Variants in SGCD observed in about 807,000 individuals in gnomAD.
SGCD encodes the protein sarcoglycan delta, also known as delta-sarcoglycan.
A neutral mutation model predicts 36.6 loss-of-function variants in SGCD; 18 were observed. The ratio of observed to expected loss-of-function variants is 0.49; its 90% confidence interval spans 0.34 to 0.73. The LOEUF (loss-of-function observed/expected upper bound fraction) is 0.73, where lower values mean the gene tolerates loss of function less well. SGCD is among the 30% of genes least tolerant of loss of function. The pLI is 0.01. For missense variants in SGCD, 387 were observed against 346.7 expected (o/e 1.12, Z -0.92); for synonymous variants, 133 against 130.6 (o/e 1.02, Z -0.12).
chr5:156,655,271 TTTG>T (rs1763627916), intron 7 of SGCD, among the ~76,000 whole-genome samples: 1 of 152,138 alleles, frequency 6.6e-6, no homozygotes, highest in Admixed American at 6.6e-5. Context: ...TTGAGTAACA[TTTG>T]TTTTCCTCAA....
At chr5:155,886,779 A>G (rs1479858912) in intron 1 of SGCD, among the ~76,000 whole-genome samples, 2 of 152,250 alleles carry the variant, frequency 1.3e-5, no homozygotes, top group Non-Finnish European at 2.9e-5. Flanking sequence ...ACTTCCCTGC[A>G]GCTTTCAGTG....
intron 1 of SGCD, among the ~76,000 whole-genome samples, chr5:156,101,153 GA>G (rs1761507337): frequency 6.6e-6 from 1 of 152,180 alleles, no homozygotes. Flanking sequence ...CCAGACTTCA[GA>G]ACCATGAGAT....
intron 3 of SGCD, among the ~76,000 whole-genome samples, chr5:156,435,701 C>A (rs961666619): frequency 6.6e-6 from 1 of 152,050 alleles, no homozygotes; most frequent in Admixed American, 6.6e-5. Context: ...CTCCTGAGTC[C>A]ATGTATGCTA....
the SGCD span, among the ~76,000 whole-genome samples, chr5:155,787,025 C>T: frequency 2.0e-5 from 3 of 152,164 alleles, no homozygotes; most frequent in Middle Eastern, 3.2e-3. Flanking sequence ...AGAGTGCAAG[C>T]GGGCTTTGCT....
At chr5:156,544,796 C>A (rs895190985) in intron 4 of SGCD, among the ~76,000 whole-genome samples, 4 of 152,102 alleles carry the variant, frequency 2.6e-5, no homozygotes, top group Admixed American at 6.6e-5. Flanking sequence ...TTATCATTGA[C>A]CATGTTAACT....
intron 2 of SGCD, among the ~76,000 whole-genome samples, chr5:156,336,056 T>C (rs1480375127): frequency 2.0e-5 from 3 of 152,216 alleles, no homozygotes; most frequent in Admixed American, 2.0e-4. Flanking sequence ...GTATCATACC[T>C]GAGGTTTTTA....
chr5:156,766,802 C>T lies in SGCD; in HGVS notation c.*7412C>T, dbSNP rs1410340913. On this transcript the variant is annotated 3_prime_UTR_variant, in exon 9 of 9. Coordinates refer to ENST00000337851, the MANE Select transcript of SGCD (RefSeq NM_000337.6). ...AGAAACCATAATGCCCTTGTTAAAG[C>T]CCTGCTGTCAACCTGCCTTCACCCA... The T allele has an allele frequency of 6.6e-6, 1 of 151,980 alleles. No individual in the cohort carries two copies. The highest frequency in any genetic ancestry group is 1.9e-4 in the East Asian group (1 of 5,182). 9.4% of individuals were successfully genotyped at this position (151,980 alleles called of 1,614,324 possible).
At chr5:156,597,274 C>A (rs555342704) in intron 6 of SGCD, among the ~76,000 whole-genome samples, 1 of 150,542 alleles carries the variant, frequency 6.6e-6, no homozygotes, top group Non-Finnish European at 1.5e-5. Flanking sequence ...GGGTTGTAGG[C>A]GAGTATATTA....
chr5:156,516,342 C>T (rs1261352294), intron 4 of SGCD, among the ~76,000 whole-genome samples: 1 of 152,198 alleles, frequency 6.6e-6, no homozygotes, highest in Non-Finnish European at 1.5e-5. Flanking sequence ...GACAGCCGTC[C>T]TTGCTGTTCT....
At chr5:156,650,031 C>G (rs1763402370) in intron 7 of SGCD, among the ~76,000 whole-genome samples, 1 of 151,940 alleles carries the variant, frequency 6.6e-6, no homozygotes, top group Non-Finnish European at 1.5e-5. Context: ...CAAACCCAAC[C>G]CAAACCAATG....
At chr5:156,543,269 A>C (rs1037641939) in intron 4 of SGCD, among the ~76,000 whole-genome samples, 2 of 152,182 alleles carry the variant, frequency 1.3e-5, no homozygotes, top group African/African-American at 4.8e-5. Flanking sequence ...TGACAGTTAA[A>C]ATAAAGTCTG....
At chr5:156,606,385 G>A (rs1359866528) in intron 6 of SGCD, among the ~76,000 whole-genome samples, 1 of 152,098 alleles carries the variant, frequency 6.6e-6, no homozygotes, top group Non-Finnish European at 1.5e-5. Context: ...TGAGGGCTCT[G>A]TTCTGTTCCA....
In SGCD at chr5:156,762,527, T is replaced by A. The variant is rs1216453496; in HGVS notation, c.*3137T>A. 6.6e-6 allele frequency: 1 copy of A among 152,640 alleles called. No individual in the cohort carries two copies. The highest frequency in any genetic ancestry group is 1.5e-5 in the Non-Finnish European group (1 of 68,024). 9.5% of individuals were successfully genotyped at this position (152,640 alleles called of 1,614,324 possible). On this transcript the variant is annotated 3_prime_UTR_variant, in exon 9 of 9. Coordinates refer to ENST00000337851, the MANE Select transcript of SGCD (RefSeq NM_000337.6). The stretch of plus-strand genomic sequence containing the variant: ...TGGCTTTGAACATCCTTTAGGTCAT[T>A]TTCTCTTTGGATAATTTTCATCGCA...
intron 3 of SGCD, among the ~76,000 whole-genome samples, chr5:156,491,804 G>A (rs996808025): frequency 2.0e-5 from 3 of 152,064 alleles, no homozygotes; most frequent in Non-Finnish European, 4.4e-5. Flanking sequence ...ACCTGTGGTA[G>A]TCCCATTCCT....
At chr5:156,080,914 A>G (rs1561711460) in intron 1 of SGCD, among the ~76,000 whole-genome samples, 1 of 152,176 alleles carries the variant, frequency 6.6e-6, no homozygotes, top group Non-Finnish European at 1.5e-5. Context: ...AAAGTCACCT[A>G]TACGTTTTCA....
At chr5:156,619,032 T>G (rs1762132843) in intron 6 of SGCD, among the ~76,000 whole-genome samples, 1 of 149,704 alleles carries the variant, frequency 6.7e-6, no homozygotes. Flanking sequence ...CCTTTTTTTT[T>G]TTTTTTCTTC....
rs1280590717 is a variant in SGCD, at chr5:156,645,574, T to G, written c.503-1890T>G. Among the ~76,000 whole-genome samples the G allele has an allele frequency of 3.3e-5, 5 of 152,194 alleles. No homozygotes were observed. The East Asian group carries it at 9.6e-4, about 29-fold the overall frequency. ...AAAGATGAGCATGTAAAGGAGGGAC[T>G]TAATCTGCTAAGGGAGATAGTCTAG... On this transcript the variant is annotated intron_variant, in intron 6 of 8. Transcript: ENST00000337851.
At chr5:156,617,457 G>C (rs1255546900) in intron 6 of SGCD, among the ~76,000 whole-genome samples, 1 of 152,230 alleles carries the variant, frequency 6.6e-6, no homozygotes, top group African/African-American at 2.4e-5. Flanking sequence ...AGCCTTGTCA[G>C]TCAGATAACT....
chr5:155,930,230 C>G (rs1757074544), intron 1 of SGCD, among the ~76,000 whole-genome samples: 1 of 152,192 alleles, frequency 6.6e-6, no homozygotes. Context: ...AGAAACACCT[C>G]TGTACAACTT....
Sources: gnomAD v4.1 joint callset for allele counts (sites outside exome capture counted in the v4.1 genomes callset) on GRCh38, gnomAD v4.1.1 for gene constraint, MANE v1.5 for transcripts, NCBI Gene and HGNC (gene_info 2026-07-23, HGNC 2026-07-21) for gene names.